EPB41L2: variants seen among roughly 807,000 people sequenced by gnomAD.
EPB41L2 encodes the protein erythrocyte membrane protein band 4.1 like 2, also known as band 4.1-like protein 2.
EPB41L2 carries 43 observed loss-of-function variants against 113.0 expected under a neutral mutation model. The ratio of observed to expected loss-of-function variants is 0.38; its 90% confidence interval spans 0.30 to 0.49. The LOEUF (loss-of-function observed/expected upper bound fraction) is 0.49. Ranked by LOEUF, EPB41L2 falls within the 20% of genes least tolerant of loss-of-function variation. The pLI is 0.95. For synonymous variants in EPB41L2, 442 were observed against 436.7 expected, an observed-to-expected ratio of 1.01 and a Z score of -0.15; for missense variants, 1,147 against 1,223.4, an observed-to-expected ratio of 0.94 and a Z score of 0.93.
In EPB41L2 at chr6:130,890,395, C is replaced by T. The variant is rs1382957093; in HGVS notation, c.1559G>A (p.Arg520His). The change falls in exon 11 of 20, where the codon CGC (arginine) becomes CAC (histidine). Residue 520 changes from arginine (R) to histidine (H), a missense_variant. Physicochemically the swap from Arg to His is conservative, Grantham distance 29. Transcript: ENST00000337057. ...GGCCTGGCGGGTCTGTGCTTGGGTGCGGCCACTATAGCGAAATTTGGACCC... is the reference window on the plus strand; with the variant it reads ...GGCCTGGCGGGTCTGTGCTTGGGTGTGGCCACTATAGCGAAATTTGGACCC... The part of the protein sequence containing the change: ...TLGSKFRYSG[R>H]TQAQTRQAST... The T allele has an allele frequency of 1.1e-5, 17 of 1,610,924 alleles. No individual in the cohort carries two copies. Among genetic ancestry groups the T allele is most frequent in the African/African-American group, 4.1e-5 (3 of 73,754 alleles).
intron 17 of EPB41L2, among the ~76,000 whole-genome samples, chr6:130,865,074 T>C (rs1234341252): frequency 6.6e-6 from 1 of 152,172 alleles, no homozygotes; most frequent in Non-Finnish European, 1.5e-5. Flanking sequence ...GCTAAACATT[T>C]AGAGAATTAT....
At chr6:130,985,648 T>C (rs1301118958) in intron 1 of EPB41L2, among the ~76,000 whole-genome samples, 2 of 152,186 alleles carry the variant, frequency 1.3e-5, no homozygotes, top group Non-Finnish European at 2.9e-5. Context: ...GTTGGTGACC[T>C]GGGCAGTGAA....
chr6:130,908,119 T>TA (rs1562457339), intron 5 of EPB41L2, among the ~76,000 whole-genome samples: 1 of 152,084 alleles, frequency 6.6e-6, no homozygotes, highest in East Asian at 1.9e-4. Context: ...TTGGCACAGA[T>TA]ACCAAAAAAA....
At chr6:130,882,252 T>G (rs1789560115) in intron 12 of EPB41L2, 1 of 152,244 alleles carries the variant, frequency 6.6e-6, no homozygotes, top group African/African-American at 2.4e-5. Flanking sequence ...ACAAATCTAC[T>G]TTGATCTAGA....
At chr6:130,942,657 G>A (rs1205271001) in intron 3 of EPB41L2, among the ~76,000 whole-genome samples, 3 of 152,118 alleles carry the variant, frequency 2.0e-5, no homozygotes, top group Admixed American at 6.5e-5. Flanking sequence ...GAACGTGCAG[G>A]TTTGTTACAT....
At chr6:130,973,036 C>T (rs772479435) in intron 1 of EPB41L2, among the ~76,000 whole-genome samples, 4 of 151,356 alleles carry the variant, frequency 2.6e-5, no homozygotes, top group Non-Finnish European at 5.9e-5. Flanking sequence ...CGCTTGAACC[C>T]GGGAGGCGGA....
At chr6:130,886,029 A>C (rs1221894001) in intron 11 of EPB41L2, among the ~76,000 whole-genome samples, 1 of 152,214 alleles carries the variant, frequency 6.6e-6, no homozygotes, top group Non-Finnish European at 1.5e-5. Context: ...AGGCAAAGTG[A>C]GTAGTAGGTG....
At chr6:131,002,573 A>G (rs563311604) in intron 1 of EPB41L2, among the ~76,000 whole-genome samples, 32 of 152,376 alleles carry the variant, frequency 2.1e-4, no homozygotes, top group African/African-American at 5.5e-4. Context: ...AAGTGAATAC[A>G]TTCCAGAGTA....
intron 1 of EPB41L2, among the ~76,000 whole-genome samples, chr6:131,055,653 C>G (rs1261517534): frequency 6.6e-6 from 1 of 152,140 alleles, no homozygotes. Flanking sequence ...ACAGAAAAAA[C>G]AAGGGTTTTA....
intron 15 of EPB41L2, 80 bp from the exon 16 acceptor site, chr6:130,867,661 G>A (rs983693523): frequency 2.6e-6 from 4 of 1,514,032 alleles, no homozygotes; most frequent in Admixed American, 3.4e-5. Context: ...ACAAATAATA[G>A]TAAGAAACAT....
chr6:131,026,755 G>A (rs984328945), intron 1 of EPB41L2, among the ~76,000 whole-genome samples: 2 of 152,046 alleles, frequency 1.3e-5, no homozygotes, highest in East Asian at 1.9e-4. Flanking sequence ...CAGCTACAAC[G>A]GAATCCCTCT....
rs913431637 is a variant in EPB41L2 at position 130,989,303 on chromosome 6, C to T, written c.-14-32804G>A. The stretch of plus-strand genomic sequence containing the variant: ...ATTGACTCTCTACTTGCCTTTCTCC[C>T]CTATCAGGTTACAAGCTCCACAAGG... On this transcript the variant is annotated intron_variant, in intron 1 of 19. Coordinates refer to ENST00000337057, the MANE Select transcript of EPB41L2 (RefSeq NM_001431.4). Among the ~76,000 whole-genome samples, 22 of 152,128 alleles carry T rather than the reference C, an allele frequency of 1.4e-4. 1 individual carries two copies. Among genetic ancestry groups the T allele is most frequent in the Non-Finnish European group, 7.4e-5 (5 of 68,020 alleles).
At chr6:130,889,020 T>C (rs1791940011) in intron 11 of EPB41L2, among the ~76,000 whole-genome samples, 1 of 152,172 alleles carries the variant, frequency 6.6e-6, no homozygotes, top group Admixed American at 6.5e-5. Flanking sequence ...AGAAAGCTTT[T>C]TCATCTGTTA....
intron 1 of EPB41L2, among the ~76,000 whole-genome samples, chr6:131,055,618 C>A (rs1797435842): frequency 6.6e-6 from 1 of 152,142 alleles, no homozygotes; most frequent in Non-Finnish European, 1.5e-5. Context: ...TAACATCGAA[C>A]AATTAAAAGC....
chr6:130,904,479 A>T lies in EPB41L2; in HGVS notation c.915T>A (p.Thr305=). 1 of 1,592,584 alleles carries T rather than the reference A, an allele frequency of 6.3e-7. No individual in the cohort carries two copies. Among genetic ancestry groups the T allele is most frequent in the Non-Finnish European group, 8.6e-7 (1 of 1,165,708 alleles). The change falls in exon 6 of 20, where the codon ACT becomes ACA. Residue 305 remains threonine (T), a synonymous_variant. Transcript: ENST00000337057. ...ATATAAAGTACCTGGTGATATCTTC[A>T]GTCAATTGAGAAGGATCAGGAGGAT... ...KFYPPDPSQL[T]EDITRYFLCL...
intron 1 of EPB41L2, among the ~76,000 whole-genome samples, chr6:131,053,767 C>T (rs1318678429): frequency 6.6e-6 from 1 of 152,234 alleles, no homozygotes; most frequent in African/African-American, 2.4e-5. Context: ...GTTGCTTACT[C>T]ATATAGCCTC....
chr6:130,975,331 A>T (rs1353971661), intron 1 of EPB41L2, among the ~76,000 whole-genome samples: 1 of 152,230 alleles, frequency 6.6e-6, no homozygotes, highest in African/African-American at 2.4e-5. Context: ...AAGTTGGTTA[A>T]GGTTAGGAGG....
chr6:130,849,577 G>A (rs760423939), intron 19 of EPB41L2, among the ~76,000 whole-genome samples: 8 of 152,128 alleles, frequency 5.3e-5, no homozygotes, highest in African/African-American at 1.2e-4. Context: ...ACCATCATGC[G>A]TCCATTCAAC....
chr6:131,051,540 G>A (rs541120792), intron 1 of EPB41L2, among the ~76,000 whole-genome samples: 3 of 150,840 alleles, frequency 2.0e-5, no homozygotes, highest in African/African-American at 4.9e-5. Flanking sequence ...AATTTTAGAA[G>A]ATGGAAAGCA....
Sources: gnomAD v4.1 joint callset for allele counts (sites outside exome capture counted in the v4.1 genomes callset) on GRCh38, gnomAD v4.1.1 for gene constraint, MANE v1.5 for transcripts, NCBI Gene and HGNC (gene_info 2026-07-23, HGNC 2026-07-21) for gene names.